Variants in SPG7 observed in about 807,000 individuals in gnomAD.
SPG7 encodes mitochondrial inner membrane m-AAA protease component paraplegin.
In SPG7, 103 loss-of-function variants were observed where a neutral mutation model predicts 81.9. That is an observed-to-expected ratio of 1.26 (90% CI 1.07 to 1.48). The LOEUF is 1.48. SPG7 is among the 40% of genes most tolerant of loss of function. SPG7 has a pLI of 0.00. For missense variants in SPG7, 1,241 were observed against 1,087.3 expected, an observed-to-expected ratio of 1.14 and a Z score of -1.99; for synonymous variants, 534 against 444.2, an observed-to-expected ratio of 1.20 and a Z score of -2.54.
Position 89,557,434 on chromosome 16 carries a change from A to C in SPG7, c.*341A>C. ...AGGCAGCAGAGCATTCAGACTCCAAACAGACCCCTGTTCATGCCGACGCTT... is the reference window on the plus strand; with the variant it reads ...AGGCAGCAGAGCATTCAGACTCCAACCAGACCCCTGTTCATGCCGACGCTT... On this transcript the variant is annotated 3_prime_UTR_variant, in exon 17 of 17. Coordinates refer to ENST00000645818, the MANE Select transcript of SPG7 (RefSeq NM_003119.4). 2.8e-6 allele frequency: 1 copy of C among 355,336 alleles called. No homozygotes were observed. The highest frequency in any genetic ancestry group is 6.7e-5 in the East Asian group (1 of 14,898). 22.0% of individuals were successfully genotyped at this position (355,336 alleles called of 1,614,324 possible).
intron 16 of SPG7, chr16:89,554,844 C>T: frequency 2.5e-6 from 1 of 402,680 alleles, no homozygotes; most frequent in Non-Finnish European, 4.6e-6. Flanking sequence ...TTTGTTTAAT[C>T]TTTTCCCAAG....
At chr16:89,537,538 T>C in intron 9 of SPG7, 1 of 988,050 alleles carries the variant, frequency 1.0e-6, no homozygotes, top group Non-Finnish European at 1.2e-6. Context: ...GCTTCGACTT[T>C]TTTTTTCTTC....
chr16:89,529,785 CTAACTCTGGGGTGCCTGAGCCTTG>C (rs2058315989), intron 6 of SPG7: 1 of 634,220 alleles, frequency 1.6e-6, no homozygotes, highest in Non-Finnish European at 2.9e-6. Context: ...CCTCTCACCC[CTAACTCTGGGGTGCCTGAGCCTTG>C]TGAGATTACA....
Position 89,537,238 on chromosome 16 carries a change from T to G in SPG7, c.1324+4602T>G, listed in dbSNP as rs892470062. On this transcript the variant is annotated intron_variant, in intron 9 of 16. Coordinates refer to ENST00000645818, the MANE Select transcript of SPG7 (RefSeq NM_003119.4). ...CTGGGGAAGAGAAAAGCCCAAGCCTTGTTGGTTACGTCAGCCGGTCCATGG... is the reference window on the plus strand; with the variant it reads ...CTGGGGAAGAGAAAAGCCCAAGCCTGGTTGGTTACGTCAGCCGGTCCATGG... The G allele has an allele frequency of 7.1e-6, 10 of 1,413,720 alleles. No individual in the cohort carries two copies. The East Asian group carries it at 1.3e-4, about 18-fold the overall frequency. The allele number at this position is 1,413,720 out of a possible 1,614,324, so 87.6% of individuals were successfully genotyped here. A position where few individuals can be genotyped will look rare whatever the true frequency, so the allele number is the denominator to read the frequency against.
intron 9 of SPG7, chr16:89,536,747 G>A (rs202232170): frequency 1.2e-6 from 2 of 1,613,446 alleles, no homozygotes; most frequent in East Asian, 2.2e-5. Flanking sequence ...TGAGTCTGCG[G>A]CCTTCTTCTC....
At chr16:89,542,306 GCT>G (rs1248079211) in intron 9 of SPG7, 1 of 152,270 alleles carries the variant, frequency 6.6e-6, no homozygotes, top group Non-Finnish European at 1.5e-5. Context: ...CTTCCAGACA[GCT>G]CTGGAGGGGC....
rs2058260564 is a variant in SPG7 at position 89,526,402 on chromosome 16, A to T, written c.692A>T (p.Asp231Val). 6.2e-7 allele frequency: 1 copy of T among 1,614,072 alleles called. No homozygotes were observed. Among genetic ancestry groups the T allele is most frequent in the Non-Finnish European group, 8.5e-7 (1 of 1,180,032 alleles). ...KFEEKLRAAE[D>V]ELNIEAKDRI... ...GAAGAGAAGCTTCGAGCAGCTGAAG[A>T]TGAGCTGAATATCGAGGCCAAGGAC... The change falls in exon 5 of 17, where the codon GAT becomes GTT. Residue 231 changes from aspartate to valine, a missense_variant. Asp to Val is a radical substitution (Grantham distance 152). Transcript: ENST00000645818.
chr16:89,548,103 C>A lies in SPG7; in HGVS notation c.1653C>A (p.Arg551=), dbSNP rs56031686. Residue 551 remains arginine, a synonymous_variant, in exon 12 of 17, where the codon CGC becomes CGA. Transcript: ENST00000645818. ...TCAACTTCGAGTACGCCGTGGAGCG[C>A]GTCCTCGCAGGTACAGGGGGCGCGC... is the stretch of plus-strand genomic sequence containing the variant. ...HTLNFEYAVE[R]VLAGTAKKSK... 6.2e-7 allele frequency: 1 copy of A among 1,604,910 alleles called. No homozygotes were observed. Among genetic ancestry groups the A allele is most frequent in the Admixed American group, 1.7e-5 (1 of 60,012 alleles).
In SPG7 at chr16:89,529,546, G is replaced by A. The variant is rs775166506; in HGVS notation, c.828G>A (p.Gly276=). 1 of 1,614,006 alleles carries A rather than the reference G, an allele frequency of 6.2e-7. No homozygotes were observed. Among genetic ancestry groups the A allele is most frequent in the Non-Finnish European group, 8.5e-7 (1 of 1,179,872 alleles). The stretch of plus-strand genomic sequence containing the variant: ...TGTGGTATGTTTTCCGTCTGGCCGG[G>A]ATGACTGGAAGGGAAGGTGGATTCA... ...AILWYVFRLA[G]MTGREGGFSA... The change falls in exon 6 of 17, where the codon GGG becomes GGA. Residue 276 remains glycine, a synonymous_variant. Coordinates refer to ENST00000645818, the MANE Select transcript of SPG7 (RefSeq NM_003119.4).
intron 2 of SPG7, among the ~76,000 whole-genome samples, chr16:89,511,308 T>C (rs2058019100): frequency 6.6e-6 from 1 of 152,214 alleles, no homozygotes; most frequent in Admixed American, 6.5e-5. Context: ...AATAATTTGC[T>C]CTTCAATAAA....
chr16:89,545,726 C>T (rs1277411636), intron 10 of SPG7: 1 of 289,292 alleles, frequency 3.5e-6, no homozygotes, highest in Non-Finnish European at 6.8e-6. Context: ...GTGTAAGAAA[C>T]ATTTTACATC....
chr16:89,515,871 C>G (rs1390621953), intron 3 of SPG7, among the ~76,000 whole-genome samples: 1 of 151,878 alleles, frequency 6.6e-6, no homozygotes, highest in Non-Finnish European at 1.5e-5. Flanking sequence ...CCACGCCCAG[C>G]TAATTTTTTG....
At chr16:89,520,668 A>T (rs1001267667) in intron 3 of SPG7, 1 of 151,894 alleles carries the variant, frequency 6.6e-6, no homozygotes, top group Non-Finnish European at 1.5e-5. Flanking sequence ...AAGTGCCTGG[A>T]TGACAGTCGT....
chr16:89,548,213 C>A, intron 12 of SPG7, 100 bp downstream of exon 12: 1 of 809,974 alleles, frequency 1.2e-6, no homozygotes, highest in Non-Finnish European at 2.1e-6. Flanking sequence ...GGAACCATCA[C>A]ACAGGAAGGA....
At chr16:89,528,396 A>G (rs2058294756) in intron 5 of SPG7, among the ~76,000 whole-genome samples, 6 of 129,274 alleles carry the variant, frequency 4.6e-5, no homozygotes, top group Admixed American at 4.0e-4. Context: ...CATCTCAAAC[A>G]AAAAAAAAAA....
At chr16:89,510,408 T>G (rs2058000597) in intron 1 of SPG7, 82 bp from the exon 2 acceptor site, 1 of 856,310 alleles carries the variant, frequency 1.2e-6, no homozygotes, top group Admixed American at 2.1e-5. Flanking sequence ...TTTGAACTTT[T>G]AAAAACGATT....
rs376713807 is a variant in SPG7, at chr16:89,544,765, C to T, written c.1442C>T (p.Thr481Met). 8.1e-6 allele frequency: 13 copies of T among 1,613,948 alleles called. No individual in the cohort carries two copies. Among genetic ancestry groups the T allele is most frequent in the South Asian group, 3.3e-5 (3 of 91,090 alleles). ...LDRHVFIDLP[T>M]LQERREIFEQ... ...CGGCACGTCTTCATTGATCTCCCCA[C>T]GCTGCAGGTCAGAGCCAGGATCCCA... Residue 481 changes from threonine (T) to methionine (M), a missense_variant, in exon 10 of 17, where the codon ACG (threonine) becomes ATG (methionine). By Grantham distance (81) the Thr-to-Met change is moderately conservative (BLOSUM62 -1). Transcript: ENST00000645818.
chr16:89,553,616 T>C (rs1303703836), intron 14 of SPG7, 178 bp from the exon 15 acceptor site: 9 of 620,342 alleles, frequency 1.5e-5, no homozygotes, highest in Admixed American at 2.9e-5. Context: ...GTTTTAAGAC[T>C]CTCTTAAGGA....
chr16:89,533,682 C>T (rs1300511593), intron 9 of SPG7: 4 of 152,142 alleles, frequency 2.6e-5, no homozygotes, highest in Admixed American at 1.3e-4. Context: ...GCGAGGGAGA[C>T]ACCCCATTTG....
Sources: allele counts gnomAD v4.1 joint callset (sites outside exome capture counted in the v4.1 genomes callset), GRCh38; gene constraint gnomAD v4.1.1; transcripts MANE v1.5; gene names NCBI Gene and HGNC (gene_info 2026-07-23, HGNC 2026-07-21).